Variants in ADGRD1 observed in about 807,000 individuals in gnomAD.
The protein encoded by ADGRD1 is adhesion G protein-coupled receptor D1, also known as G-protein coupled receptor 133.
In ADGRD1, 77 loss-of-function variants were observed where a neutral mutation model predicts 113.4. The observed-to-expected ratio is 0.68, with a 90% CI of 0.57 to 0.82. The LOEUF (loss-of-function observed/expected upper bound fraction) is 0.82. ADGRD1 is among the 40% of genes least tolerant of loss of function. The pLI is 0.00. For missense variants in ADGRD1, 1,036 were observed against 1,139.1 expected, an observed-to-expected ratio of 0.91 and a Z score of 1.30; for synonymous variants, 474 against 475.0, an observed-to-expected ratio of 1.00 and a Z score of 0.03.
At chr12:131,090,867 G>A (rs994865991) in intron 15 of ADGRD1, among the ~76,000 whole-genome samples, 3 of 152,248 alleles carry the variant, frequency 2.0e-5, no homozygotes, top group Non-Finnish European at 2.9e-5. Context: ...AGACATTGCC[G>A]CATTGCACTC....
intron 13 of ADGRD1, chr12:131,035,540 A>G (rs2136950381): frequency 6.6e-6 from 1 of 152,338 alleles, no homozygotes; most frequent in Middle Eastern, 3.4e-3. Flanking sequence ...TGCAGTCTGC[A>G]CCTTCAGACC....
intron 24 of ADGRD1, 67 bp from the exon 25 acceptor site, chr12:131,139,101 C>A: frequency 8.0e-7 from 1 of 1,248,576 alleles, no homozygotes; most frequent in Non-Finnish European, 1.2e-6. Flanking sequence ...GCTCCCCGCA[C>A]TCACTGGGCT....
At chr12:131,107,309 C>T (rs553802580) in intron 17 of ADGRD1, among the ~76,000 whole-genome samples, 2 of 150,548 alleles carry the variant, frequency 1.3e-5, no homozygotes, top group African/African-American at 2.5e-5. Flanking sequence ...CAGCGAAGGG[C>T]TCTGATGGGT....
rs1057070363 is a variant in ADGRD1, at chr12:131,011,182, C to T, written c.1332-3017C>T. ...CCCACCCTGCCCCACCTCACCCCTG[C>T]CCCACCCTTCCCCACCTCACCTCTG... On this transcript the variant is annotated intron_variant, in intron 12 of 24. Transcript: ENST00000261654. Among the ~76,000 whole-genome samples, 8 of 138,034 alleles carry T rather than the reference C, an allele frequency of 5.8e-5. No homozygotes were observed. The South Asian group carries it at 2.0e-3, about 34-fold the overall frequency. The allele number at this position is 138,034 out of a possible 152,430, so 90.6% of individuals were successfully genotyped here.
chr12:131,007,610 G>A (rs533227920), intron 12 of ADGRD1, among the ~76,000 whole-genome samples: 23 of 152,334 alleles, frequency 1.5e-4, no homozygotes, highest in Admixed American at 7.2e-4. Flanking sequence ...CAGGATGCAG[G>A]CCACTGTGTC....
At chr12:131,070,567 G>C (rs1463663543) in intron 13 of ADGRD1, 1 of 231,226 alleles carries the variant, frequency 4.3e-6, no homozygotes, top group African/African-American at 2.3e-5. Context: ...ACGCGCTTTA[G>C]AAGTTGACCT....
At chr12:131,070,774 G>C (rs1334491811) in intron 13 of ADGRD1, 1 of 517,338 alleles carries the variant, frequency 1.9e-6, no homozygotes, top group Non-Finnish European at 3.9e-6. Context: ...CACAGCCTTA[G>C]CTGATTGGAC....
rs774587613 is a variant in ADGRD1 at position 131,138,236 on chromosome 12, G to A, written c.2529+7G>A. The A allele has an allele frequency of 9.3e-6, 15 of 1,611,012 alleles. No individual in the cohort carries two copies. The highest frequency in any genetic ancestry group is 3.3e-5 in the Admixed American group (2 of 59,998). The stretch of plus-strand genomic sequence containing the variant: ...GCCCTTCCACTCGGACCTCGTGAGT[G>A]CAGCCTCCATAAACCGAGGGTCCCA... On this transcript the variant is annotated splice_region_variant and intron_variant, in intron 24 of 24. Coordinates refer to ENST00000261654, the MANE Select transcript of ADGRD1 (RefSeq NM_198827.5).
At chr12:131,065,127 A>G (rs979106062) in intron 13 of ADGRD1, among the ~76,000 whole-genome samples, 1 of 152,212 alleles carries the variant, frequency 6.6e-6, no homozygotes, top group African/African-American at 2.4e-5. Flanking sequence ...CCACGTGGCC[A>G]TCCCATTCCC....
At chr12:131,132,365 CG>C (rs1950955383) in intron 21 of ADGRD1, among the ~76,000 whole-genome samples, 1 of 152,174 alleles carries the variant, frequency 6.6e-6, no homozygotes, top group Non-Finnish European at 1.5e-5. Context: ...TCACTGCCAT[CG>C]GGGGTGTCCT....
At chr12:131,061,050 A>C (rs923734671) in intron 13 of ADGRD1, among the ~76,000 whole-genome samples, 1 of 152,018 alleles carries the variant, frequency 6.6e-6, no homozygotes, top group African/African-American at 2.4e-5. Context: ...AGGGCGTCAT[A>C]TTCTCCCTCC....
intron 6 of ADGRD1, chr12:130,988,643 A>G (rs1420128040): frequency 6.6e-6 from 1 of 152,238 alleles, no homozygotes; most frequent in South Asian, 2.1e-4. Flanking sequence ...AGGTGCTCAC[A>G]TGATGTCAGT....
intron 15 of ADGRD1, among the ~76,000 whole-genome samples, chr12:131,099,916 A>G (rs751915730): frequency 6.6e-6 from 1 of 152,144 alleles, no homozygotes; most frequent in Non-Finnish European, 1.5e-5. Flanking sequence ...ATAAAAGTAC[A>G]TGATAAAGAG....
chr12:130,966,602 G>A lies in ADGRD1; in HGVS notation c.187+56G>A. The A allele has an allele frequency of 9.3e-7, 1 of 1,073,352 alleles. No individual in the cohort carries two copies. Among genetic ancestry groups the A allele is most frequent in the Middle Eastern group, 2.0e-4 (1 of 5,046 alleles). 66.5% of individuals were successfully genotyped at this position (1,073,352 alleles called of 1,614,324 possible). ...GGCGCGGGAATCCCAGGGCCATCAG[G>A]AGGCGTGGGTGCTGAGAGTGGCTGG... On this transcript the variant is annotated intron_variant, in intron 3 of 24. Coordinates refer to ENST00000261654, the MANE Select transcript of ADGRD1 (RefSeq NM_198827.5). This position sits in a 1 kb window ranked among gnomAD's most constrained non-coding sequence, Gnocchi z 4.6.
intron 20 of ADGRD1, among the ~76,000 whole-genome samples, chr12:131,124,440 G>T (rs534271644): frequency 1.3e-5 from 2 of 152,314 alleles, no homozygotes; most frequent in African/African-American, 4.8e-5. Context: ...CCCATGTATT[G>T]CCTGCATAAT....
At chr12:130,973,244 G>A (rs1449123066) in intron 4 of ADGRD1, 1 of 152,240 alleles carries the variant, frequency 6.6e-6, no homozygotes, top group Non-Finnish European at 1.5e-5. Flanking sequence ...GAGCTCTGGG[G>A]CCAGAAGGCG....
In ADGRD1 at chr12:131,034,540, G is replaced by C. The variant is rs189235717; in HGVS notation, c.1473+20200G>C. Reference sequence around the variant, plus strand: ...AACTCCATGGGGTGGAGGAAGGAAGGGAGGGAGGCAGAGAGAGGGACAGAG... The same window carrying C: ...AACTCCATGGGGTGGAGGAAGGAAGCGAGGGAGGCAGAGAGAGGGACAGAG... On this transcript the variant is annotated intron_variant, in intron 13 of 24. Transcript: ENST00000261654. 1.3e-4 allele frequency among the ~76,000 whole-genome samples: 20 copies of C among 152,354 alleles called. No homozygotes were observed. In the East Asian group the frequency reaches 3.8e-3, roughly 29 times the overall value.
chr12:131,112,135 A>G (rs930013220), intron 18 of ADGRD1, among the ~76,000 whole-genome samples: 2 of 108,572 alleles, frequency 1.8e-5, no homozygotes. Flanking sequence ...TGGCTGGACT[A>G]TTTAGCACAG....
intron 13 of ADGRD1, among the ~76,000 whole-genome samples, chr12:131,039,427 G>A (rs951072734): frequency 2.6e-5 from 4 of 152,232 alleles, no homozygotes; most frequent in Non-Finnish European, 4.4e-5. Context: ...GACCATCTTC[G>A]GTCATTATTC....
Sources: allele counts gnomAD v4.1 joint callset (sites outside exome capture counted in the v4.1 genomes callset), GRCh38; gene constraint gnomAD v4.1.1; non-coding constraint Gnocchi (gnomAD v3.1); transcripts MANE v1.5; gene names NCBI Gene and HGNC (gene_info 2026-07-23, HGNC 2026-07-21).